FBP1: variants seen among roughly 807,000 people sequenced by gnomAD.
The protein encoded by FBP1 is fructose-1,6-bisphosphatase 1.
A neutral mutation model predicts 29.9 loss-of-function variants in FBP1; 22 were observed. That is an observed-to-expected ratio of 0.74 (90% confidence interval 0.53 to 1.05). The LOEUF (loss-of-function observed/expected upper bound fraction) is 1.05. Among genes scored for constraint, FBP1 ranks in the 50% least tolerant of loss-of-function variants. The probability of loss-of-function intolerance (pLI) is 0.00; values close to 1 mark genes in which losing one functional copy is unlikely to be tolerated. For missense variants in FBP1, 345 were observed against 448.2 expected, an observed-to-expected ratio of 0.77 and a Z score of 2.08; for synonymous variants, 175 against 178.6, an observed-to-expected ratio of 0.98 and a Z score of 0.16.
chr9:94,606,773 G>C lies in FBP1; in HGVS notation c.705+42C>G. ...GCCTCCAGAACGGCCTCTGGTGCCA[G>C]ATGCCCAGAACCTGCACCACCCTCC... On this transcript the variant is annotated intron_variant, in intron 5 of 6. Transcript: ENST00000375326. 3 of 1,599,926 alleles carry C rather than the reference G, an allele frequency of 1.9e-6. No homozygotes were observed. In the East Asian group the frequency reaches 6.7e-5, roughly 36 times the overall value.
intron 1 of FBP1, among the ~76,000 whole-genome samples, chr9:94,633,858 C>A (rs1244381359): frequency 6.6e-6 from 1 of 151,818 alleles, no homozygotes; most frequent in East Asian, 2.0e-4. Context: ...GCGCCCGCCA[C>A]CACGCCCGGC....
chr9:94,633,165 G>C (rs1828128036), intron 1 of FBP1, among the ~76,000 whole-genome samples: 1 of 152,060 alleles, frequency 6.6e-6, no homozygotes, highest in Non-Finnish European at 1.5e-5. Flanking sequence ...CAATTGCTAG[G>C]ACCAGCGATT....
At chr9:94,621,213 CAAAAAAAAAAAAAAAAAA>C (rs57221045) in intron 1 of FBP1, among the ~76,000 whole-genome samples, 1 of 43,984 alleles carries the variant, frequency 2.3e-5, no homozygotes, top group Non-Finnish European at 4.0e-5. Context: ...GACTCCGTCT[CAAAAAAAAAAAAAAAAAA>C]AAAAAATACA....
chr9:94,604,721 C>G (rs1026379686), intron 6 of FBP1, among the ~76,000 whole-genome samples: 1 of 152,116 alleles, frequency 6.6e-6, no homozygotes, highest in Non-Finnish European at 1.5e-5. Flanking sequence ...GAGGCAGAGG[C>G]TGCAGTGAGC....
chr9:94,639,440 G>T lies in FBP1; in HGVS notation c.-130C>A, dbSNP rs1003899519. ...CTGCAGGTGCGGGCGGCAGGTGCGG[G>T]CCGCGGGACCTGGCGGGAGGACTGA... is the stretch of plus-strand genomic sequence containing the variant. On this transcript the variant is annotated 5_prime_UTR_variant, in exon 1 of 7. Transcript: ENST00000375326. 1.4e-4 allele frequency: 154 copies of T among 1,078,178 alleles called. No individual in the cohort carries two copies. Among genetic ancestry groups the T allele is most frequent in the Non-Finnish European group, 2.0e-4 (145 of 726,676 alleles). The allele number at this position is 1,078,178 out of a possible 1,614,324, so 66.8% of individuals were successfully genotyped here. A position where few individuals can be genotyped will look rare whatever the true frequency, so the allele number is the denominator to read the frequency against.
At chr9:94,621,348 A>G (rs1827947119) in intron 1 of FBP1, among the ~76,000 whole-genome samples, 1 of 151,592 alleles carries the variant, frequency 6.6e-6, no homozygotes. Context: ...GTGAGCCGAG[A>G]TCGCACCACT....
rs1284753726 is a variant in FBP1, at chr9:94,612,549, A to ACTTTT, written c.427-2489_427-2488insAAAAG. On this transcript the variant is annotated intron_variant, in intron 3 of 6. Coordinates refer to ENST00000375326, the MANE Select transcript of FBP1 (RefSeq NM_000507.4). ...GAATTCTTTTCTAGCCCAGCCCCCA[A>ACTTTT]TTTTTTTTTTTTTTTTTTTTTTTTT... Among the ~76,000 whole-genome samples, 8 of 108,028 alleles carry ACTTTT rather than the reference A, an allele frequency of 7.4e-5. 1 individual carries two copies. Among genetic ancestry groups the ACTTTT allele is most frequent in the Non-Finnish European group, 9.2e-5 (5 of 54,532 alleles). 70.9% of individuals were successfully genotyped at this position (108,028 alleles called of 152,430 possible). A position where few individuals can be genotyped will look rare whatever the true frequency, so the allele number is the denominator to read the frequency against.
At chr9:94,636,500 G>T (rs993239930) in intron 1 of FBP1, among the ~76,000 whole-genome samples, 1 of 151,522 alleles carries the variant, frequency 6.6e-6, no homozygotes, top group African/African-American at 2.4e-5. Context: ...TAAATAAAAC[G>T]CATACCTTAC....
At chr9:94,637,987 G>A (rs1418214585) in intron 1 of FBP1, among the ~76,000 whole-genome samples, 1 of 151,470 alleles carries the variant, frequency 6.6e-6, no homozygotes. Context: ...TCGGGAGACT[G>A]AGGCAGGAGA....
intron 3 of FBP1, among the ~76,000 whole-genome samples, chr9:94,613,732 C>T (rs1827819299): frequency 6.7e-6 from 1 of 150,318 alleles, no homozygotes; most frequent in Non-Finnish European, 1.5e-5. Flanking sequence ...CGCCACTGCT[C>T]TCAGCCTGGG....
intron 1 of FBP1, among the ~76,000 whole-genome samples, chr9:94,630,112 A>G (rs555302755): frequency 2.0e-5 from 3 of 152,318 alleles, no homozygotes; most frequent in East Asian, 3.9e-4. Flanking sequence ...AGGAAGAAAG[A>G]CCTATCAGTC....
At chr9:94,611,757 A>G (rs1190387280) in intron 3 of FBP1, among the ~76,000 whole-genome samples, 1 of 152,168 alleles carries the variant, frequency 6.6e-6, no homozygotes, top group Non-Finnish European at 1.5e-5. Context: ...CCTCTTTAAG[A>G]AAAAGAAAAG....
At chr9:94,626,391 T>C (rs986658688) in intron 1 of FBP1, among the ~76,000 whole-genome samples, 2 of 152,188 alleles carry the variant, frequency 1.3e-5, no homozygotes, top group African/African-American at 4.8e-5. Context: ...GCCATGTTGA[T>C]AGCAACAATG....
chr9:94,632,465 C>T (rs1393977606), intron 1 of FBP1, among the ~76,000 whole-genome samples: 1 of 152,110 alleles, frequency 6.6e-6, no homozygotes, highest in Admixed American at 6.6e-5. Flanking sequence ...GTGAGGAGTT[C>T]AAGACCAGAC....
In FBP1 at chr9:94,620,396, G is replaced by T; in HGVS notation, c.266C>A (p.Ser89Tyr). The change falls in exon 2 of 7, where the codon TCC (serine) becomes TAC (tyrosine). Residue 89 changes from serine (S) to tyrosine (Y), a missense_variant. Physicochemically the swap from Ser to Tyr is moderately radical, Grantham distance 144. Transcript: ENST00000375326. ...NDLVMNMLKS[S>Y]FATCVLVSEE... ...TGACACGAGAACACACGTGGCAAAG[G>T]ATGACTTTAACATGTTCATAACCAG... 1 of 1,614,182 alleles carries T rather than the reference G, an allele frequency of 6.2e-7. No homozygotes were observed. Among genetic ancestry groups the T allele is most frequent in the Non-Finnish European group, 8.5e-7 (1 of 1,180,036 alleles).
Position 94,603,424 on chromosome 9 carries a change from A to T in FBP1, c.974T>A (p.Val325Glu). Residue 325 changes from valine (V) to glutamate (E), a missense_variant, in exon 7 of 7, where the codon GTG (valine) becomes GAG (glutamate). Physicochemically the swap from Val to Glu is moderately radical, Grantham distance 121. Coordinates refer to ENST00000375326, the MANE Select transcript of FBP1 (RefSeq NM_000507.4). ...APVILGSPDD[V>E]LEFLKVYEKH... is the part of the protein sequence containing the mutation. Reference sequence around the variant, plus strand: ...CTCATACACCTTCAGGAACTCGAGCACGTCGTCGGGGGATCCCAAGATCAC... The same window carrying T: ...CTCATACACCTTCAGGAACTCGAGCTCGTCGTCGGGGGATCCCAAGATCAC... 2 of 1,614,062 alleles carry T rather than the reference A, an allele frequency of 1.2e-6. No homozygotes were observed. The highest frequency in any genetic ancestry group is 4.5e-5 in the East Asian group (2 of 44,876).
intron 6 of FBP1, 53 bp downstream of exon 6, chr9:94,605,404 G>C (rs924281904): frequency 6.3e-7 from 1 of 1,598,018 alleles, no homozygotes; most frequent in South Asian, 1.1e-5. Flanking sequence ...ACTAAATCGC[G>C]TGGGCTGCAA....
intron 1 of FBP1, among the ~76,000 whole-genome samples, chr9:94,629,803 A>T (rs765828770): frequency 9.2e-5 from 14 of 152,168 alleles, no homozygotes; most frequent in South Asian, 4.1e-4. Flanking sequence ...GGGCACAGAC[A>T]GGGCTGCCAC....
Position 94,625,853 on chromosome 9 carries a change from G to A in FBP1, c.171-5362C>T, listed in dbSNP as rs554571979. ...AAACCACGCAGGACCCTCACCACCT[G>A]CAAGGACAGGGCCGCCCGCATCCAC... is the stretch of plus-strand genomic sequence containing the variant. On this transcript the variant is annotated intron_variant, in intron 1 of 6. Coordinates refer to ENST00000375326, the MANE Select transcript of FBP1 (RefSeq NM_000507.4). Among the ~76,000 whole-genome samples the A allele has an allele frequency of 1.8e-4, 27 of 151,746 alleles. No individual in the cohort carries two copies. In the South Asian group the frequency reaches 5.6e-3, roughly 32 times the overall value.
Sources: gnomAD v4.1 joint callset for allele counts (sites outside exome capture counted in the v4.1 genomes callset) on GRCh38, gnomAD v4.1.1 for gene constraint, MANE v1.5 for transcripts, NCBI Gene and HGNC (gene_info 2026-07-23, HGNC 2026-07-21) for gene names.